Variants in RGS7 observed in about 807,000 individuals in gnomAD.
RGS7 encodes regulator of G protein signaling 7.
A neutral mutation model predicts 81.1 loss-of-function variants in RGS7; 27 were observed. The ratio of observed to expected loss-of-function variants is 0.33; its 90% CI spans 0.25 to 0.46. RGS7 has a LOEUF of 0.46. Ranked by LOEUF, RGS7 falls within the 20% of genes least tolerant of loss-of-function variation. The pLI, the probability that RGS7 is intolerant of heterozygous loss-of-function variation, is 1.00. For missense variants in RGS7, 396 were observed against 607.4 expected, an observed-to-expected ratio of 0.65 and a Z score of 3.66; for synonymous variants, 208 against 207.7, an observed-to-expected ratio of 1.00 and a Z score of -0.01.
At chr1:241,285,310 G>GA (rs556925516) in intron 2 of RGS7, among the ~76,000 whole-genome samples, 3 of 152,006 alleles carry the variant, frequency 2.0e-5, no homozygotes, top group South Asian at 4.1e-4. Flanking sequence ...GATATGAGTG[G>GA]AAAAAAACAC....
At chr1:241,072,529 A>C (rs138855955) in intron 3 of RGS7, among the ~76,000 whole-genome samples, 3 of 152,116 alleles carry the variant, frequency 2.0e-5, no homozygotes, top group Admixed American at 2.0e-4. Context: ...ACAGCTGCGG[A>C]CCGTAAAACC....
At chr1:240,899,111 CTTTT>C (rs199545420) in intron 6 of RGS7, among the ~76,000 whole-genome samples, 2 of 151,720 alleles carry the variant, frequency 1.3e-5, no homozygotes, top group Admixed American at 6.6e-5. Flanking sequence ...GCAATCCTTG[CTTTT>C]TTTTGTTTTC....
intron 3 of RGS7, among the ~76,000 whole-genome samples, chr1:241,060,429 A>G (rs540114455): frequency 2.4e-4 from 36 of 152,306 alleles, no homozygotes; most frequent in African/African-American, 8.2e-4. Flanking sequence ...AAATGAAAGA[A>G]CATGAATGGG....
chr1:240,914,069 C>G (rs261791), intron 6 of RGS7, among the ~76,000 whole-genome samples: 2 of 127,394 alleles, frequency 1.6e-5, no homozygotes, highest in Non-Finnish European at 3.3e-5. Flanking sequence ...CCCCTCCCCC[C>G]ACCCCACAAC....
chr1:241,251,959 C>T (rs115091325), intron 2 of RGS7, among the ~76,000 whole-genome samples: 3,858 of 152,152 alleles, frequency 0.025, 167 homozygotes, highest in African/African-American at 0.086. Context: ...GGTGGGGCTG[C>T]GGAGCCTCGG....
chr1:241,259,830 C>G (rs1010612503), intron 2 of RGS7, among the ~76,000 whole-genome samples: 27 of 151,688 alleles, frequency 1.8e-4, no homozygotes, highest in Non-Finnish European at 2.9e-5. Flanking sequence ...CCAGCCTCAA[C>G]TGATGCCACT....
intron 2 of RGS7, among the ~76,000 whole-genome samples, chr1:241,212,731 A>C (rs1324241207): frequency 6.6e-6 from 1 of 152,210 alleles, no homozygotes; most frequent in African/African-American, 2.4e-5. Context: ...CCACCTCACC[A>C]GCAGGGTGTC....
rs12035298 is a variant in RGS7 at position 241,344,608 on chromosome 1, T to C, written c.78+11091A>G. On this transcript the variant is annotated intron_variant, in intron 2 of 18. Transcript: ENST00000440928. ...GCTACAAGCCCTTCAGCTTAACAAG[T>C]ACATTTCTTGAATTACGAGGGTATT... Among the ~76,000 whole-genome samples, 195 of 152,382 alleles carry C rather than the reference T, an allele frequency of 1.3e-3. 1 individual carries two copies. In the East Asian group the frequency reaches 0.026, roughly 20 times the overall value.
At chr1:241,342,050 T>C (rs12128729) in intron 2 of RGS7, among the ~76,000 whole-genome samples, 1 of 151,594 alleles carries the variant, frequency 6.6e-6, no homozygotes, top group South Asian at 2.1e-4. Context: ...AATTTTGTAT[T>C]TTTAGTAAAG....
In RGS7 at chr1:241,189,889, G is replaced by A. The variant is rs561506274; in HGVS notation, c.79-91127C>T. On this transcript the variant is annotated intron_variant, in intron 2 of 18. Transcript: ENST00000440928. ...CCAGCACTTTGGGAGGCCAAGGCGG[G>A]CGGATCACAAGGTCAGGAGATCGAG... Among the ~76,000 whole-genome samples, 192 of 152,262 alleles carry A rather than the reference G, an allele frequency of 1.3e-3. 1 individual carries two copies. The highest frequency in any genetic ancestry group is 6.8e-3 in the Middle Eastern group (2 of 294).
chr1:241,251,484 A>AT (rs1356598345), intron 2 of RGS7, among the ~76,000 whole-genome samples: 1 of 151,436 alleles, frequency 6.6e-6, no homozygotes, highest in Admixed American at 6.6e-5. Context: ...AGTGCTTTGG[A>AT]TTTTTTCTTT....
chr1:240,854,989 G>C (rs1183745174), intron 9 of RGS7, among the ~76,000 whole-genome samples: 1 of 152,098 alleles, frequency 6.6e-6, no homozygotes, highest in Non-Finnish European at 1.5e-5. Flanking sequence ...GGCCAAACAG[G>C]AGGATTTAAG....
intron 3 of RGS7, among the ~76,000 whole-genome samples, chr1:240,992,407 G>C (rs1426181035): frequency 6.6e-6 from 1 of 152,130 alleles, no homozygotes; most frequent in East Asian, 1.9e-4. Context: ...AGGAAGCTGA[G>C]GCAGGAGAAT....
At chr1:241,343,261 CAAA>C (rs35447784) in intron 2 of RGS7, among the ~76,000 whole-genome samples, 1 of 136,732 alleles carries the variant, frequency 7.3e-6, no homozygotes. Context: ...GACTGTGTCT[CAAA>C]AAAAAAAAAA....
intron 2 of RGS7, among the ~76,000 whole-genome samples, chr1:241,115,235 A>T (rs772116570): frequency 6.6e-6 from 1 of 152,152 alleles, no homozygotes; most frequent in Non-Finnish European, 1.5e-5. Context: ...TTTGCACTGG[A>T]ATAAACTCTT....
intron 6 of RGS7, among the ~76,000 whole-genome samples, chr1:240,916,817 A>G (rs1360727480): frequency 1.3e-5 from 2 of 152,164 alleles, no homozygotes; most frequent in Non-Finnish European, 2.9e-5. Flanking sequence ...GAGATAATAA[A>G]TTTCTATTGT....
intron 2 of RGS7, among the ~76,000 whole-genome samples, chr1:241,243,495 T>C (rs1177261635): frequency 6.6e-6 from 1 of 152,072 alleles, no homozygotes; most frequent in African/African-American, 2.4e-5. Context: ...GAGAAATGGA[T>C]GAATTTGGGA....
At chr1:241,000,168 G>A (rs957176466) in intron 3 of RGS7, among the ~76,000 whole-genome samples, 3 of 152,076 alleles carry the variant, frequency 2.0e-5, no homozygotes, top group Admixed American at 1.3e-4. Flanking sequence ...AGGTTGGTGT[G>A]GGATATCCAG....
intron 9 of RGS7, among the ~76,000 whole-genome samples, chr1:240,859,746 T>C (rs1661851577): frequency 6.6e-6 from 1 of 152,130 alleles, no homozygotes; most frequent in African/African-American, 2.4e-5. Context: ...CTCTTCTACT[T>C]ACTTTGGATT....
Sources: gnomAD v4.1 joint callset for allele counts (sites outside exome capture counted in the v4.1 genomes callset) on GRCh38, gnomAD v4.1.1 for gene constraint, MANE v1.5 for transcripts, NCBI Gene and HGNC (gene_info 2026-07-23, HGNC 2026-07-21) for gene names.